TNIP3: variants seen among roughly 807,000 people sequenced by gnomAD.
The protein encoded by TNIP3 is TNFAIP3-interacting protein 3.
TNIP3 carries 34 observed loss-of-function variants against 54.1 expected under a neutral mutation model. The observed-to-expected ratio is 0.63, with a 90% CI of 0.48 to 0.84. TNIP3 has a LOEUF of 0.84. TNIP3 is among the 40% of genes least tolerant of loss of function. The pLI is 0.00. For missense variants in TNIP3, 366 were observed against 387.6 expected (o/e 0.94, Z 0.47); for synonymous variants, 134 against 136.8 (o/e 0.98, Z 0.14).
intron 2 of TNIP3, among the ~76,000 whole-genome samples, chr4:121,191,376 T>C (rs890653609): frequency 2.0e-5 from 3 of 152,206 alleles, no homozygotes; most frequent in African/African-American, 7.2e-5. Context: ...GATAAACACC[T>C]GGAAGAGAAC....
chr4:121,161,433 A>G (rs146755335), intron 1 of TNIP3, among the ~76,000 whole-genome samples: 1,973 of 152,316 alleles, frequency 0.013, 21 homozygotes, highest in Non-Finnish European at 0.02. Context: ...TACATAAATT[A>G]GTTACCAATA....
intron 2 of TNIP3, among the ~76,000 whole-genome samples, chr4:121,210,270 AT>A (rs2148846550): frequency 6.6e-6 from 1 of 152,140 alleles, no homozygotes; most frequent in Admixed American, 6.5e-5. Flanking sequence ...TAGAGATAAA[AT>A]AAGTCCTTGT....
At chr4:121,181,472 T>C (rs1280296278) in intron 3 of TNIP3, among the ~76,000 whole-genome samples, 9 of 152,060 alleles carry the variant, frequency 5.9e-5, no homozygotes, top group Non-Finnish European at 1.3e-4. Context: ...ACTCCAAAAA[T>C]AAAGACAACC....
At position 121,158,670 on chromosome 4, in the gene TNIP3, T is replaced by G; in HGVS notation, c.213+17A>C. The G allele has an allele frequency of 6.3e-7, 1 of 1,585,636 alleles. No individual in the cohort carries two copies. The highest frequency in any genetic ancestry group is 8.7e-7 in the Non-Finnish European group (1 of 1,155,534). On this transcript the variant is annotated intron_variant, in intron 3 of 10. Transcript: ENST00000057513. ...TAATGGCTTTAAAGAAAATACCGAATAGAGAGAGGTATTTACCTTTCTTTC... is the reference window on the plus strand; with the variant it reads ...TAATGGCTTTAAAGAAAATACCGAAGAGAGAGAGGTATTTACCTTTCTTTC...
chr4:121,198,867 T>C (rs1468482863), intron 2 of TNIP3, among the ~76,000 whole-genome samples: 1 of 152,206 alleles, frequency 6.6e-6, no homozygotes, highest in Non-Finnish European at 1.5e-5. Context: ...TCATAAAATA[T>C]ACATATAGCT....
intron 2 of TNIP3, among the ~76,000 whole-genome samples, chr4:121,209,165 T>G (rs953154881): frequency 2.6e-5 from 4 of 152,224 alleles, no homozygotes; most frequent in Admixed American, 2.6e-4. Context: ...TGTGACAGCA[T>G]CCCCATGCCT....
At chr4:121,163,580 A>G (rs1730587813) in intron 1 of TNIP3, among the ~76,000 whole-genome samples, 1 of 152,234 alleles carries the variant, frequency 6.6e-6, no homozygotes, top group Non-Finnish European at 1.5e-5. Context: ...TTAAATGAAT[A>G]GAAGTTTCCA....
chr4:121,226,737 T>C (rs1430092915), intron 1 of TNIP3, among the ~76,000 whole-genome samples: 1 of 152,236 alleles, frequency 6.6e-6, no homozygotes, highest in Non-Finnish European at 1.5e-5. Context: ...CTGCTCACAC[T>C]TAAATTATTC....
At chr4:121,220,343 A>G (rs1726977572), upstream of TNIP3, among the ~76,000 whole-genome samples, 1 of 152,254 alleles carries the variant, frequency 6.6e-6, no homozygotes, top group Non-Finnish European at 1.5e-5. Context: ...GGAGAGATCT[A>G]TTAGTGGTTG....
chr4:121,192,063 C>T (rs1004558748), intron 2 of TNIP3, among the ~76,000 whole-genome samples: 1 of 152,072 alleles, frequency 6.6e-6, no homozygotes, highest in African/African-American at 2.4e-5. Flanking sequence ...TTTGAAACAA[C>T]AGTTTAAATG....
chr4:121,156,561 C>T (rs1730099110), intron 4 of TNIP3, among the ~76,000 whole-genome samples: 1 of 152,032 alleles, frequency 6.6e-6, no homozygotes, highest in Non-Finnish European at 1.5e-5. Flanking sequence ...TAATATTTTG[C>T]TCACAGGTGG....
chr4:121,135,828 C>A (rs1286312313), intron 10 of TNIP3, among the ~76,000 whole-genome samples: 2 of 152,220 alleles, frequency 1.3e-5, no homozygotes, highest in Admixed American at 1.3e-4. Context: ...AGAACCACTA[C>A]TGAAATTAAA....
upstream of TNIP3, among the ~76,000 whole-genome samples, chr4:121,219,945 C>T (rs986445040): frequency 9.2e-5 from 14 of 152,190 alleles, 1 homozygote; most frequent in Admixed American, 3.9e-4. Flanking sequence ...ACTAAATTAA[C>T]ATTAAATGTT....
At chr4:121,184,891 G>A (rs1724926109) in intron 2 of TNIP3, among the ~76,000 whole-genome samples, 1 of 152,180 alleles carries the variant, frequency 6.6e-6, no homozygotes, top group African/African-American at 2.4e-5. Flanking sequence ...ACAAACCTGT[G>A]AGGAGGAAAG....
intron 2 of TNIP3, among the ~76,000 whole-genome samples, chr4:121,215,891 A>T (rs1726763731): frequency 6.6e-6 from 1 of 151,950 alleles, no homozygotes; most frequent in Non-Finnish European, 1.5e-5. Flanking sequence ...AAAAAAAAAA[A>T]AAAAGAAATA....
intron 2 of TNIP3, among the ~76,000 whole-genome samples, chr4:121,216,248 A>G (rs1301625200): frequency 6.6e-6 from 1 of 152,218 alleles, no homozygotes; most frequent in Non-Finnish European, 1.5e-5. Context: ...ATGTTCAGAT[A>G]GATAGGCCAT....
chr4:121,158,769 T>C lies in TNIP3; in HGVS notation c.148-17A>G. 1.9e-6 allele frequency: 3 copies of C among 1,600,786 alleles called. No individual in the cohort carries two copies. Among genetic ancestry groups the C allele is most frequent in the Non-Finnish European group, 2.6e-6 (3 of 1,175,242 alleles). On this transcript the variant is annotated splice_polypyrimidine_tract_variant and intron_variant, in intron 2 of 10. Coordinates refer to ENST00000057513, the MANE Select transcript of TNIP3 (RefSeq NM_024873.6). ...TTCCAGGAGCTGAAATCATTAAAAT[T>C]TGGTGAATCAACAAAGAATTTCTGC...
intron 10 of TNIP3, among the ~76,000 whole-genome samples, chr4:121,134,149 G>A (rs541561307): frequency 1.3e-5 from 2 of 152,274 alleles, no homozygotes; most frequent in African/African-American, 2.4e-5. Flanking sequence ...CTTCTATATT[G>A]TAAAGAAGTA....
Position 121,132,475 on chromosome 4 carries a change from T to C in TNIP3, c.*156A>G, listed in dbSNP as rs1560629176. On this transcript the variant is annotated 3_prime_UTR_variant, in exon 11 of 11. Coordinates refer to ENST00000057513, the MANE Select transcript of TNIP3 (RefSeq NM_024873.6). ...CAGGATCTTAGCTGTCAGAAGCCTT[T>C]TCCTGTATTCATACCAAAGGAAAAC... 3 of 625,140 alleles carry C rather than the reference T, an allele frequency of 4.8e-6. No homozygotes were observed. The South Asian group carries it at 7.6e-5, about 16-fold the overall frequency. The allele number at this position is 625,140 out of a possible 1,614,324, so 38.7% of individuals were successfully genotyped here. A position where few individuals can be genotyped will look rare whatever the true frequency, so the allele number is the denominator to read the frequency against.
Sources: gnomAD v4.1 joint callset for allele counts (sites outside exome capture counted in the v4.1 genomes callset) on GRCh38, gnomAD v4.1.1 for gene constraint, MANE v1.5 for transcripts, NCBI Gene and HGNC (gene_info 2026-07-23, HGNC 2026-07-21) for gene names.